The following RFX3 variants were observed in gnomAD, a reference collection of about 807,000 sequenced individuals.
RFX3 encodes the protein regulatory factor X3, also known as transcription factor RFX3.
In RFX3, 14 loss-of-function variants were observed where a neutral mutation model predicts 98.6. The observed-to-expected ratio is 0.14, with a 90% CI of 0.09 to 0.22. The LOEUF is 0.22. RFX3 is among the 10% of genes least tolerant of loss of function. The pLI is 1.00. For synonymous variants in RFX3, 383 were observed against 328.4 expected (o/e 1.17, Z -1.80); for missense variants, 639 against 926.9 (o/e 0.69, Z 4.03).
At chr9:3,496,949 G>A (rs761471212) in intron 1 of RFX3, among the ~76,000 whole-genome samples, 5 of 152,006 alleles carry the variant, frequency 3.3e-5, no homozygotes, top group Non-Finnish European at 5.9e-5. Flanking sequence ...ATCCATGCAA[G>A]TACTACAACA....
At chr9:3,459,028 T>C (rs183573183) in intron 1 of RFX3, among the ~76,000 whole-genome samples, 3 of 152,276 alleles carry the variant, frequency 2.0e-5, no homozygotes, top group African/African-American at 7.2e-5. Flanking sequence ...TTCTTGTAAG[T>C]GTGCCAAAGG....
rs906971105 is a variant in RFX3 at position 3,247,398 on chromosome 9, T to C, written c.1968+634A>G. The C allele has an allele frequency of 9.0e-6, 8 of 888,070 alleles. No individual in the cohort carries two copies. In the East Asian group the frequency reaches 4.7e-4, roughly 52 times the overall value. The allele number at this position is 888,070 out of a possible 1,614,324, so 55.0% of individuals were successfully genotyped here. ...AGACTGTGTTTGAAAAAAAAATCTCTACCATTTTTTAGCTGAGTAATCATT... is the reference window on the plus strand; with the variant it reads ...AGACTGTGTTTGAAAAAAAAATCTCCACCATTTTTTAGCTGAGTAATCATT... On this transcript the variant is annotated intron_variant, in intron 15 of 16. Coordinates refer to ENST00000617270, the MANE Select transcript of RFX3 (RefSeq NM_001282116.2).
At chr9:3,487,937 G>C (rs1460434691) in intron 1 of RFX3, among the ~76,000 whole-genome samples, 1 of 152,040 alleles carries the variant, frequency 6.6e-6, no homozygotes, top group Non-Finnish European at 1.5e-5. Context: ...CTTACTGTTG[G>C]GAAAAGCTAA....
chr9:3,375,317 C>A (rs1564007889), intron 2 of RFX3, among the ~76,000 whole-genome samples: 2 of 152,158 alleles, frequency 1.3e-5, no homozygotes, highest in African/African-American at 4.8e-5. Context: ...ACATGTCTGC[C>A]ATTTTACTTT....
At chr9:3,330,891 G>A (rs1815990531) in intron 3 of RFX3, among the ~76,000 whole-genome samples, 1 of 152,210 alleles carries the variant, frequency 6.6e-6, no homozygotes, top group South Asian at 2.1e-4. Context: ...ATAAGTAGGA[G>A]TAGTGTGAGT....
intron 4 of RFX3, among the ~76,000 whole-genome samples, chr9:3,307,134 C>T (rs1185212534): frequency 6.6e-6 from 1 of 152,146 alleles, no homozygotes; most frequent in Non-Finnish European, 1.5e-5. Flanking sequence ...TCTGCCATGA[C>T]TGTGAGGCTT....
intron 2 of RFX3, among the ~76,000 whole-genome samples, chr9:3,385,254 C>G (rs193047368): frequency 6.6e-5 from 10 of 152,062 alleles, no homozygotes; most frequent in Non-Finnish European, 1.0e-4. Context: ...TTATAGGACA[C>G]ATTGAATTTT....
rs571945235 is a variant in RFX3 at position 3,411,001 on chromosome 9, A to T, written c.-8-15405T>A. ...ACTCAAAAATGGTATTTTCTATGTA[A>T]TCTTGCTTATGAAGGAAATGATATT... On this transcript the variant is annotated intron_variant, in intron 1 of 16. Transcript: ENST00000617270. Among the ~76,000 whole-genome samples the T allele has an allele frequency of 7.2e-5, 11 of 152,300 alleles. No individual in the cohort carries two copies. In the East Asian group the frequency reaches 1.5e-3, roughly 21 times the overall value.
chr9:3,418,705 T>A (rs10115757), intron 1 of RFX3, among the ~76,000 whole-genome samples: 31,377 of 152,116 alleles, frequency 0.21, 4,442 homozygotes, highest in African/African-American at 0.4. Flanking sequence ...ATTAATCAAA[T>A]CACTAATTTA....
rs1398461922 is a variant in RFX3, at chr9:3,293,061, A to T, written c.731+16T>A. On this transcript the variant is annotated intron_variant, in intron 6 of 16. Coordinates refer to ENST00000617270, the MANE Select transcript of RFX3 (RefSeq NM_001282116.2). ...AAAAGAGAGATTAGTTTATGATCTTATTTTTCAATACTAACCTAGTGCCCA... is the reference window on the plus strand; with the variant it reads ...AAAAGAGAGATTAGTTTATGATCTTTTTTTTCAATACTAACCTAGTGCCCA... 6.3e-7 allele frequency: 1 copy of T among 1,585,178 alleles called. No individual in the cohort carries two copies. Among genetic ancestry groups the T allele is most frequent in the Non-Finnish European group, 8.6e-7 (1 of 1,164,060 alleles).
intron 1 of RFX3, among the ~76,000 whole-genome samples, chr9:3,508,327 A>G (rs1243189519): frequency 6.6e-6 from 1 of 151,956 alleles, no homozygotes; most frequent in Non-Finnish European, 1.5e-5. Flanking sequence ...TATTCATTTG[A>G]ATTACACTTT....
At chr9:3,339,791 T>A (rs1833650658) in intron 3 of RFX3, among the ~76,000 whole-genome samples, 1 of 152,040 alleles carries the variant, frequency 6.6e-6, no homozygotes, top group South Asian at 2.1e-4. Context: ...TGCTCATGGG[T>A]AGGAAGAATC....
intron 14 of RFX3, among the ~76,000 whole-genome samples, chr9:3,250,299 G>C (rs936956428): frequency 2.6e-5 from 4 of 151,866 alleles, no homozygotes; most frequent in African/African-American, 9.7e-5. Context: ...GCTGAAGAAA[G>C]ATAGCAAGTA....
intron 13 of RFX3, among the ~76,000 whole-genome samples, chr9:3,262,553 G>C (rs886405126): frequency 2.0e-5 from 3 of 152,172 alleles, no homozygotes; most frequent in African/African-American, 7.2e-5. Flanking sequence ...ATCTAAGACA[G>C]GTGTTGTAAG....
Position 3,346,720 on chromosome 9 carries a change from G to A in RFX3, c.162C>T (p.Pro54=), listed in dbSNP as rs748666592. 1.9e-5 allele frequency: 31 copies of A among 1,613,590 alleles called. No individual in the cohort carries two copies. Among genetic ancestry groups the A allele is most frequent in the South Asian group, 6.6e-5 (6 of 91,068 alleles). The change falls in exon 3 of 17, where the codon CCC becomes CCT. Residue 54 remains proline (P), a synonymous_variant. Coordinates refer to ENST00000617270, the MANE Select transcript of RFX3 (RefSeq NM_001282116.2). ...TTCCTTCCACATACTGCACCTGAGCGGGATAGACATGTTGTACCTGCTGCA... is the reference window on the plus strand; with the variant it reads ...TTCCTTCCACATACTGCACCTGAGCAGGATAGACATGTTGTACCTGCTGCA... ...QTVQQVQHVY[P]AQVQYVEGSD...
At chr9:3,295,583 C>G (rs188825292) in intron 5 of RFX3, among the ~76,000 whole-genome samples, 1 of 152,198 alleles carries the variant, frequency 6.6e-6, no homozygotes, top group Non-Finnish European at 1.5e-5. Context: ...TATTTTTCAA[C>G]TAAACTAATG....
intron 1 of RFX3, among the ~76,000 whole-genome samples, chr9:3,424,420 G>A (rs1186532480): frequency 7.6e-6 from 1 of 131,172 alleles, no homozygotes; most frequent in African/African-American, 2.9e-5. Context: ...GGAGTGCAGT[G>A]GCGCGATCTC....
intron 3 of RFX3, among the ~76,000 whole-genome samples, chr9:3,343,435 G>A (rs538680447): frequency 6.6e-6 from 1 of 152,088 alleles, no homozygotes; most frequent in Non-Finnish European, 1.5e-5. Context: ...GAATAATATG[G>A]AATATTCTTT....
At chr9:3,454,328 C>A (rs543844056) in intron 1 of RFX3, among the ~76,000 whole-genome samples, 2 of 152,304 alleles carry the variant, frequency 1.3e-5, no homozygotes, top group South Asian at 4.1e-4. Flanking sequence ...TCTCCATGTA[C>A]TTGAATGCAA....
Sources: gnomAD v4.1 joint callset for allele counts (sites outside exome capture counted in the v4.1 genomes callset) on GRCh38, gnomAD v4.1.1 for gene constraint, MANE v1.5 for transcripts, NCBI Gene and HGNC (gene_info 2026-07-23, HGNC 2026-07-21) for gene names.